CCDC88A: variants seen among roughly 807,000 people sequenced by gnomAD.
CCDC88A encodes girdin.
CCDC88A carries 54 observed loss-of-function variants against 234.3 expected under a neutral mutation model. That is an observed-to-expected ratio of 0.23 (90% CI 0.19 to 0.29). The LOEUF (loss-of-function observed/expected upper bound fraction) is 0.29, where lower values mean the gene tolerates loss of function less well. Among genes scored for constraint, CCDC88A ranks in the 10% least tolerant of loss-of-function variants. The pLI, the probability that CCDC88A is intolerant of heterozygous loss-of-function variation, is 1.00. For missense variants in CCDC88A, 1,832 were observed against 2,123.4 expected (o/e 0.86, Z 2.70); for synonymous variants, 753 against 737.8 (o/e 1.02, Z -0.33).
chr2:55,356,678 C>T (rs978478555), intron 7 of CCDC88A: 2 of 152,058 alleles, frequency 1.3e-5, no homozygotes, highest in African/African-American at 2.4e-5. Context: ...ACCTGTAATC[C>T]CAGCACTTAG....
intron 3 of CCDC88A, among the ~76,000 whole-genome samples, chr2:55,377,710 A>G (rs1673908781): frequency 6.6e-6 from 1 of 152,030 alleles, no homozygotes; most frequent in African/African-American, 2.4e-5. Context: ...CCCAGGTTCA[A>G]GAGATTCTCC....
chr2:55,334,774 T>C lies in CCDC88A; in HGVS notation c.2047A>G (p.Lys683Glu). 1 of 1,604,514 alleles carries C rather than the reference T, an allele frequency of 6.2e-7. No homozygotes were observed. ...RKLKKTLDSF[K>E]NLTFQLESLE... is the part of the protein sequence containing the mutation. ...GATTCTAACTGAAAGGTCAGATTTT[T>C]AAAGCTATCCAATGTTTTTTTTAAT... is the stretch of plus-strand genomic sequence containing the variant. Residue 683 changes from lysine (K) to glutamate (E), a missense_variant, in exon 15 of 33, where the codon AAA (lysine) becomes GAA (glutamate). Transcript: ENST00000436346. The surrounding 1 kb of genome is among the most constrained non-coding windows in gnomAD (Gnocchi z 6.1).
intron 7 of CCDC88A, among the ~76,000 whole-genome samples, chr2:55,357,308 A>C (rs1574264419): frequency 6.9e-6 from 1 of 145,792 alleles, no homozygotes; most frequent in East Asian, 2.1e-4. Flanking sequence ...CATCTCAAAA[A>C]TTCCTTCCTT....
At chr2:55,384,948 C>T (rs893804849) in intron 3 of CCDC88A, among the ~76,000 whole-genome samples, 58 of 152,048 alleles carry the variant, frequency 3.8e-4, no homozygotes, top group Non-Finnish European at 1.8e-4. Flanking sequence ...TGAGCTACCG[C>T]GCCTGGCTAA....
chr2:55,410,684 A>G (rs4672038), intron 2 of CCDC88A, among the ~76,000 whole-genome samples: 131,903 of 152,086 alleles, frequency 0.87, 57,548 homozygotes, highest in Admixed American at 0.93. Flanking sequence ...AGGAGATTGG[A>G]ACCAGAATGG....
At position 55,295,661 on chromosome 2, in the gene CCDC88A, A is replaced by G. The variant is rs141590196; in HGVS notation, c.5487T>C (p.Ser1829=). 5.6e-6 allele frequency: 9 copies of G among 1,614,224 alleles called. No individual in the cohort carries two copies. Among genetic ancestry groups the G allele is most frequent in the Non-Finnish European group, 7.6e-6 (9 of 1,180,040 alleles). Residue 1829 remains serine (S), a synonymous_variant, in exon 31 of 33, where the codon AGT becomes AGC. Transcript: ENST00000436346. ...TSIHDFLTKD[S]RLPISVDSPP... ...GTGAATCAACTGATATAGGCAGTCT[A>G]CTGTCCTTGGTCAAAAAATCATGGA...
chr2:55,419,054 A>T lies in CCDC88A; in HGVS notation c.26T>A (p.Leu9His), dbSNP rs1681928366. ...AGGGCTGGTCATGAACTGCTCCAGAAGGGGAGTAAAAATTTCGTTCTCCAT... is the reference window on the plus strand; with the variant it reads ...AGGGCTGGTCATGAACTGCTCCAGATGGGGAGTAAAAATTTCGTTCTCCAT... MENEIFTP[L>H]LEQFMTSPLV... The change falls in exon 1 of 33, where the codon CTT (leucine) becomes CAT (histidine). Residue 9 changes from leucine (L) to histidine (H), a missense_variant. Physicochemically the swap from Leu to His is moderately conservative, Grantham distance 99 (BLOSUM62 -3). Around this residue, in one of 6 missense-constraint regions of CCDC88A, gnomAD observed 36 missense variants for 44.0 expected, o/e 0.82. Coordinates refer to ENST00000436346, the MANE Select transcript of CCDC88A (RefSeq NM_001365480.1). 6.2e-7 allele frequency: 1 copy of T among 1,613,140 alleles called. No homozygotes were observed. The highest frequency in any genetic ancestry group is 1.3e-5 in the African/African-American group (1 of 74,896).
intron 8 of CCDC88A, chr2:55,350,339 C>T (rs1051313556): frequency 1.3e-5 from 2 of 152,128 alleles, no homozygotes; most frequent in Non-Finnish European, 2.9e-5. Flanking sequence ...CCATATGATA[C>T]TAAAATCTTT....
intron 2 of CCDC88A, among the ~76,000 whole-genome samples, chr2:55,393,892 G>C (rs143760652): frequency 1.3e-5 from 2 of 152,160 alleles, no homozygotes; most frequent in Non-Finnish European, 2.9e-5. Context: ...CCATCTATGA[G>C]ACATTCCCTT....
At chr2:55,382,921 T>C (rs1004871219) in intron 3 of CCDC88A, among the ~76,000 whole-genome samples, 1 of 152,154 alleles carries the variant, frequency 6.6e-6, no homozygotes, top group Non-Finnish European at 1.5e-5. Context: ...ACTAGTACCA[T>C]AGTTCCATGA....
chr2:55,312,681 T>C, intron 22 of CCDC88A, 102 bp from the exon 23 acceptor site: 1 of 811,852 alleles, frequency 1.2e-6, no homozygotes, highest in Admixed American at 2.5e-5. Context: ...GTTCCACTGT[T>C]TGAACAATTA....
At chr2:55,318,507 A>T (rs974470061) in intron 19 of CCDC88A, among the ~76,000 whole-genome samples, 1 of 152,116 alleles carries the variant, frequency 6.6e-6, no homozygotes, top group African/African-American at 2.4e-5. Flanking sequence ...CAGTAACTAA[A>T]CTGACAAAAA....
At chr2:55,324,634 G>A (rs1287465847) in intron 17 of CCDC88A, among the ~76,000 whole-genome samples, 2 of 151,626 alleles carry the variant, frequency 1.3e-5, no homozygotes, top group African/African-American at 4.9e-5. Context: ...AAGAGAAGTA[G>A]CATTATCACC....
intron 22 of CCDC88A, chr2:55,313,333 A>C (rs752876221): frequency 6.6e-6 from 1 of 152,236 alleles, no homozygotes; most frequent in Non-Finnish European, 1.5e-5. Flanking sequence ...CTCCCAAAGT[A>C]CTGGGATTAC....
intron 25 of CCDC88A, chr2:55,308,569 ATTTTAACTTTCTTTCTGCAATAT>A (rs1281165578): frequency 4.6e-6 from 2 of 431,128 alleles, no homozygotes. Flanking sequence ...TCCAGCTCTT[ATTTTAACTTTCTTTCTGCAATAT>A]TTTACCCCTC....
In CCDC88A at chr2:55,288,862, T is replaced by G. The variant is rs1230608045; in HGVS notation, c.*2338A>C. ...TGGCTTTATTATTGTTTGGCAGAAGTTGTTTAGGGGAGAAGAGTGGCTTCC... is the reference window on the plus strand; with the variant it reads ...TGGCTTTATTATTGTTTGGCAGAAGGTGTTTAGGGGAGAAGAGTGGCTTCC... On this transcript the variant is annotated 3_prime_UTR_variant, in exon 33 of 33. Coordinates refer to ENST00000436346, the MANE Select transcript of CCDC88A (RefSeq NM_001365480.1). 6.6e-6 allele frequency: 1 copy of G among 152,182 alleles called. No homozygotes were observed. The highest frequency in any genetic ancestry group is 2.4e-5 in the African/African-American group (1 of 41,446). 9.4% of individuals were successfully genotyped at this position (152,182 alleles called of 1,614,324 possible).
chr2:55,361,297 T>C (rs967881730), intron 7 of CCDC88A, among the ~76,000 whole-genome samples: 6 of 152,136 alleles, frequency 3.9e-5, no homozygotes, highest in Non-Finnish European at 7.4e-5. Flanking sequence ...GAAAATGAAA[T>C]GATCTAAGTA....
At chr2:55,372,427 A>C in intron 5 of CCDC88A, 25 bp downstream of exon 5, 1 of 1,220,344 alleles carries the variant, frequency 8.2e-7, no homozygotes, top group Non-Finnish European at 1.2e-6. Context: ...TTAAAATGAA[A>C]ATATGAAAAA....
intron 3 of CCDC88A, among the ~76,000 whole-genome samples, chr2:55,386,005 C>T (rs1407065968): frequency 1.3e-5 from 2 of 151,146 alleles, no homozygotes; most frequent in African/African-American, 4.9e-5. Flanking sequence ...AGGCGGATTA[C>T]CTGAGGTCAG....
Sources: gnomAD v4.1 joint callset for allele counts (sites outside exome capture counted in the v4.1 genomes callset) on GRCh38, gnomAD v4.1.1 for gene constraint, gnomAD v4.1.1 regional missense constraint, Gnocchi (gnomAD v3.1) non-coding constraint, MANE v1.5 for transcripts, NCBI Gene and HGNC (gene_info 2026-07-23, HGNC 2026-07-21) for gene names.